RANBP2: variants seen among roughly 807,000 people sequenced by gnomAD.
RANBP2 encodes the protein RAN binding protein 2, also known as E3 SUMO-protein ligase RanBP2.
A neutral mutation model predicts 303.6 loss-of-function variants in RANBP2; 57 were observed. The ratio of observed to expected loss-of-function variants is 0.19; its 90% CI spans 0.15 to 0.23. RANBP2 has a LOEUF of 0.23. Ranked by LOEUF, RANBP2 falls within the 10% of genes least tolerant of loss-of-function variation. The pLI is 1.00. For synonymous variants in RANBP2, 1,167 were observed against 1,301.5 expected (o/e 0.90, Z 2.23); for missense variants, 3,138 against 3,780.8 (o/e 0.83, Z 4.46).
the RANBP2 span, among the ~76,000 whole-genome samples, chr2:108,935,973 C>T: frequency 6.6e-6 from 1 of 152,222 alleles, no homozygotes; most frequent in East Asian, 1.9e-4. Context: ...CTTGTCATCA[C>T]GGCTGCCTCC....
At chr2:109,657,720 T>TTG in the RANBP2 span, among the ~76,000 whole-genome samples, 1 of 141,580 alleles carries the variant, frequency 7.1e-6, no homozygotes. Flanking sequence ...CTGAGTTTTT[T>TTG]TTTTTTTTTT....
the RANBP2 span, among the ~76,000 whole-genome samples, chr2:109,299,665 G>A: frequency 6.6e-6 from 1 of 152,138 alleles, no homozygotes; most frequent in Non-Finnish European, 1.5e-5. Context: ...TGTACTTGCC[G>A]AACCTAAAAG....
the RANBP2 span, among the ~76,000 whole-genome samples, chr2:108,827,817 A>T: frequency 4.5e-3 from 657 of 147,576 alleles, 4 homozygotes; most frequent in African/African-American, 0.015. Context: ...ATATGTCTAA[A>T]AAAAAAAAAA....
At chr2:109,545,434 C>T in the RANBP2 span, 1 of 1,535,960 alleles carries the variant, frequency 6.5e-7, no homozygotes, top group South Asian at 1.2e-5. Context: ...CTCATGGCTG[C>T]CCCCTTGCAC....
the RANBP2 span, among the ~76,000 whole-genome samples, chr2:108,978,099 G>A: frequency 4.1e-3 from 632 of 152,300 alleles, no homozygotes; most frequent in Non-Finnish European, 6.7e-3. Context: ...CCCAGGGTAG[G>A]AAGACCAGCA....
At chr2:109,515,766 C>T in the RANBP2 span, among the ~76,000 whole-genome samples, 7 of 152,148 alleles carry the variant, frequency 4.6e-5, no homozygotes, top group African/African-American at 1.7e-4. Flanking sequence ...TCTGGTGAGG[C>T]CTCGGGAGGC....
At chr2:109,545,092 C>G in the RANBP2 span, 2 of 985,370 alleles carry the variant, frequency 2.0e-6, no homozygotes, top group Middle Eastern at 1.0e-3. Flanking sequence ...GAAAATGGGT[C>G]TGAAATAGAT....
the RANBP2 span, among the ~76,000 whole-genome samples, chr2:109,449,763 T>C: frequency 1.9e-4 from 29 of 152,364 alleles, 1 homozygote; most frequent in Middle Eastern, 0.014. Context: ...CTCTTGAAAA[T>C]GCCTTAGTTC....
At chr2:109,613,404 G>A in the RANBP2 span, 111 of 324,384 alleles carry the variant, frequency 3.4e-4, 4 homozygotes, top group South Asian at 2.7e-3. Context: ...GCGGCAGGGA[G>A]GCTCGGAAGT....
At chr2:109,574,512 T>C in the RANBP2 span, 5 of 1,006,450 alleles carry the variant, frequency 5.0e-6, no homozygotes, top group Non-Finnish European at 6.7e-6. Flanking sequence ...ATATCCATAT[T>C]GTAAAAATAT....
chr2:108,978,807 A>C, the RANBP2 span, among the ~76,000 whole-genome samples: 1 of 152,208 alleles, frequency 6.6e-6, no homozygotes, highest in Non-Finnish European at 1.5e-5. Flanking sequence ...TTCTGAAAGC[A>C]GGAGGGCACC....
At chr2:109,435,314 G>A in the RANBP2 span, among the ~76,000 whole-genome samples, 3 of 152,168 alleles carry the variant, frequency 2.0e-5, no homozygotes, top group Admixed American at 6.5e-5. Context: ...CCAAAGCTGT[G>A]CCCCCAGGAC....
the RANBP2 span, among the ~76,000 whole-genome samples, chr2:109,691,063 C>T: frequency 6.6e-6 from 1 of 152,190 alleles, no homozygotes; most frequent in East Asian, 1.9e-4. Context: ...AGGTTCTTTA[C>T]AAATGACAGA....
the RANBP2 span, among the ~76,000 whole-genome samples, chr2:109,016,465 G>A: frequency 1.3e-5 from 2 of 152,186 alleles, no homozygotes; most frequent in Non-Finnish European, 1.5e-5. Context: ...GAGGCAGAAT[G>A]TGCTTCCTCA....
At chr2:109,591,413 A>G in the RANBP2 span, among the ~76,000 whole-genome samples, 1 of 152,206 alleles carries the variant, frequency 6.6e-6, no homozygotes, top group African/African-American at 2.4e-5. Context: ...ACCAAGCAAC[A>G]GCCACTGGAT....
the RANBP2 span, among the ~76,000 whole-genome samples, chr2:109,257,384 G>A: frequency 1.3e-5 from 2 of 151,284 alleles, no homozygotes; most frequent in Non-Finnish European, 2.9e-5. Flanking sequence ...GGGAGGGAGA[G>A]GAAGGGAAGG....
the RANBP2 span, among the ~76,000 whole-genome samples, chr2:109,456,189 T>G: frequency 6.6e-6 from 1 of 152,198 alleles, no homozygotes; most frequent in Non-Finnish European, 1.5e-5. Flanking sequence ...TGGCCACTTG[T>G]GCCTGGCAGC....
chr2:108,860,150 A>T, the RANBP2 span, among the ~76,000 whole-genome samples: 3 of 151,524 alleles, frequency 2.0e-5, no homozygotes, highest in East Asian at 3.9e-4. Context: ...TTTTTCTTAA[A>T]TATGTTGTTT....
At chr2:109,234,605 G>A in the RANBP2 span, among the ~76,000 whole-genome samples, 1 of 152,330 alleles carries the variant, frequency 6.6e-6, no homozygotes, top group South Asian at 2.1e-4. Flanking sequence ...AACAATAAAT[G>A]TTTGTTTCTC....
Sources: allele counts gnomAD v4.1 joint callset (sites outside exome capture counted in the v4.1 genomes callset), GRCh38; gene constraint gnomAD v4.1.1; transcripts MANE v1.5; gene names NCBI Gene and HGNC (gene_info 2026-07-23, HGNC 2026-07-21).